CCDC171: variants seen among roughly 807,000 people sequenced by gnomAD.
The protein encoded by CCDC171 is coiled-coil domain-containing protein 171.
Under a neutral mutation model 168.2 loss-of-function variants are expected in CCDC171, and 177 were observed. The observed-to-expected ratio is 1.05, with a 90% CI of 0.93 to 1.19. The LOEUF is 1.19. Ranked by LOEUF, CCDC171 falls within the 50% of genes most tolerant of loss-of-function variation. The probability of loss-of-function intolerance (pLI) is 0.00; values close to 1 mark genes in which losing one functional copy is unlikely to be tolerated. For synonymous variants in CCDC171, 687 were observed against 540.8 expected, an observed-to-expected ratio of 1.27 and a Z score of -3.75; for missense variants, 1,991 against 1,539.0, an observed-to-expected ratio of 1.29 and a Z score of -4.91.
At chr9:15,881,913 A>G (rs1400718221) in intron 24 of CCDC171, among the ~76,000 whole-genome samples, 7 of 152,160 alleles carry the variant, frequency 4.6e-5, no homozygotes, top group Non-Finnish European at 1.0e-4. Flanking sequence ...TAAAAATAGG[A>G]GTACAGATGC....
intron 6 of CCDC171, among the ~76,000 whole-genome samples, chr9:15,614,909 A>G (rs977349866): frequency 6.6e-6 from 1 of 152,202 alleles, no homozygotes; most frequent in Non-Finnish European, 1.5e-5. Flanking sequence ...TGGATCATTA[A>G]ATAGATTGAG....
At chr9:15,765,692 G>A (rs1192344689) in intron 18 of CCDC171, among the ~76,000 whole-genome samples, 2 of 152,198 alleles carry the variant, frequency 1.3e-5, no homozygotes, top group East Asian at 1.9e-4. Context: ...GTGAGTGGGA[G>A]ATTAAGTTCA....
intron 7 of CCDC171, among the ~76,000 whole-genome samples, chr9:15,631,317 C>T (rs1259913269): frequency 6.6e-6 from 1 of 151,786 alleles, no homozygotes; most frequent in African/African-American, 2.4e-5. Context: ...CAAATAGATG[C>T]AAGAAAAAAT....
chr9:16,055,055 G>A (rs988044237), intron 1 of CCDC171, among the ~76,000 whole-genome samples: 1 of 152,168 alleles, frequency 6.6e-6, no homozygotes, highest in South Asian at 2.1e-4. Flanking sequence ...GTGGAGGTGG[G>A]AAGGTAGGAT....
At chr9:15,613,613 T>TA (rs2043867564) in intron 6 of CCDC171, among the ~76,000 whole-genome samples, 1 of 151,706 alleles carries the variant, frequency 6.6e-6, no homozygotes. Context: ...GCCTCCGCCT[T>TA]CTGGGTTCAA....
intron 4 of CCDC171, among the ~76,000 whole-genome samples, chr9:15,582,142 G>A (rs979065581): frequency 6.6e-6 from 1 of 152,168 alleles, no homozygotes; most frequent in African/African-American, 2.4e-5. Context: ...CTTCTCAAAA[G>A]AAGACATTTA....
intron 21 of CCDC171, among the ~76,000 whole-genome samples, chr9:15,830,930 T>G (rs955200320): frequency 6.6e-6 from 1 of 151,978 alleles, no homozygotes; most frequent in African/African-American, 2.4e-5. Flanking sequence ...TTCAGCAATT[T>G]TGGCTTTTTC....
intron 25 of CCDC171, among the ~76,000 whole-genome samples, chr9:15,929,664 G>A (rs746543222): frequency 5.3e-5 from 8 of 151,456 alleles, no homozygotes; most frequent in Non-Finnish European, 7.4e-5. Flanking sequence ...CATTTCCCTG[G>A]GCTATTGCAA....
intron 6 of CCDC171, among the ~76,000 whole-genome samples, chr9:15,603,687 A>G (rs918270450): frequency 3.3e-5 from 5 of 151,302 alleles, no homozygotes; most frequent in Non-Finnish European, 7.4e-5. Context: ...TCTCTTTGCT[A>G]TTGTGAATAG....
chr9:15,788,831 G>A (rs577426833), intron 21 of CCDC171, among the ~76,000 whole-genome samples: 2 of 152,200 alleles, frequency 1.3e-5, no homozygotes, highest in African/African-American at 4.8e-5. Flanking sequence ...GGGATTACAG[G>A]TGTGAGCCAC....
intron 7 of CCDC171, among the ~76,000 whole-genome samples, chr9:15,625,378 T>C (rs1380909203): frequency 2.0e-5 from 3 of 152,242 alleles, no homozygotes. Context: ...GTTTTAGTTA[T>C]GAAGTCCTTC....
rs2049842004 is a variant in CCDC171 at position 15,678,957 on chromosome 9, C to T, written c.1215+61C>T. On this transcript the variant is annotated intron_variant, in intron 10 of 25. Coordinates refer to ENST00000380701, the MANE Select transcript of CCDC171 (RefSeq NM_173550.4). ...TTATTAGGTCATATTGGATGTATAG[C>T]AGGGTTTTTCCTCACCACATTCCAT... is the stretch of plus-strand genomic sequence containing the variant. 8.7e-6 allele frequency: 11 copies of T among 1,264,692 alleles called. No homozygotes were observed. The South Asian group carries it at 1.6e-4, about 18-fold the overall frequency. The allele number at this position is 1,264,692 out of a possible 1,614,324, so 78.3% of individuals were successfully genotyped here. A position where few individuals can be genotyped will look rare whatever the true frequency, so the allele number is the denominator to read the frequency against.
chr9:15,918,490 G>A (rs777822745), intron 24 of CCDC171, among the ~76,000 whole-genome samples: 5 of 150,764 alleles, frequency 3.3e-5, no homozygotes, highest in Admixed American at 6.6e-5. Context: ...GAAGATACAT[G>A]AATTTATAAG....
At chr9:16,024,502 G>C (rs1169263209) in intron 6 of CCDC171, among the ~76,000 whole-genome samples, 1 of 152,124 alleles carries the variant, frequency 6.6e-6, no homozygotes, top group African/African-American at 2.4e-5. Context: ...GCTTCCTCAG[G>C]CATAGAAGAA....
At chr9:15,933,888 A>G (rs779314721) in intron 25 of CCDC171, among the ~76,000 whole-genome samples, 5 of 152,044 alleles carry the variant, frequency 3.3e-5, no homozygotes, top group African/African-American at 4.8e-5. Flanking sequence ...ATTCTTAGAT[A>G]TGACACCAAA....
chr9:15,575,258 A>G (rs2040554960), intron 3 of CCDC171, among the ~76,000 whole-genome samples: 1 of 148,304 alleles, frequency 6.7e-6, no homozygotes, highest in Non-Finnish European at 1.5e-5. Flanking sequence ...CTGGTCTCGA[A>G]CTCCTGGACT....
At chr9:15,671,396 C>T (rs559911025) in intron 9 of CCDC171, among the ~76,000 whole-genome samples, 3 of 151,650 alleles carry the variant, frequency 2.0e-5, no homozygotes, top group Admixed American at 6.6e-5. Flanking sequence ...ATGTATACAA[C>T]GTGCAGGTTT....
the CCDC171 span, among the ~76,000 whole-genome samples, chr9:16,067,229 T>C: frequency 6.6e-6 from 1 of 152,094 alleles, no homozygotes; most frequent in Admixed American, 6.5e-5. Flanking sequence ...TGAGCATTTT[T>C]TCATGTGTTT....
chr9:15,701,622 C>T (rs1038794823), intron 11 of CCDC171, among the ~76,000 whole-genome samples: 17 of 147,556 alleles, frequency 1.2e-4, no homozygotes, highest in East Asian at 2.0e-4. Context: ...CACTGTTGTC[C>T]GGGCTGGAGC....
Sources: gnomAD v4.1 joint callset for allele counts (sites outside exome capture counted in the v4.1 genomes callset) on GRCh38, gnomAD v4.1.1 for gene constraint, MANE v1.5 for transcripts, NCBI Gene and HGNC (gene_info 2026-07-23, HGNC 2026-07-21) for gene names.